Variants in ANKRD1 observed in about 807,000 individuals in gnomAD.
The protein encoded by ANKRD1 is ankyrin repeat domain-containing protein 1.
Under a neutral mutation model 40.1 loss-of-function variants are expected in ANKRD1, and 32 were observed. That is an observed-to-expected ratio of 0.80 (90% CI 0.60 to 1.07). The LOEUF (loss-of-function observed/expected upper bound fraction) is 1.07, where lower values mean the gene tolerates loss of function less well. Among genes scored for constraint, ANKRD1 ranks in the 50% least tolerant of loss-of-function variants. The probability of loss-of-function intolerance (pLI) is 0.00; values close to 1 mark genes in which losing one functional copy is unlikely to be tolerated. For missense variants in ANKRD1, 359 were observed against 386.0 expected, an observed-to-expected ratio of 0.93 and a Z score of 0.59; for synonymous variants, 149 against 141.2, an observed-to-expected ratio of 1.06 and a Z score of -0.39.
rs1270106647 is a variant in ANKRD1, at chr10:90,912,185, C to G, written c.*681G>C. The G allele has an allele frequency of 6.9e-6, 1 of 145,716 alleles. No individual in the cohort carries two copies. Among genetic ancestry groups the G allele is most frequent in the African/African-American group, 2.5e-5 (1 of 39,886 alleles). 9.0% of individuals were successfully genotyped at this position (145,716 alleles called of 1,614,324 possible). ...ATTTACAGTTTGCATTTCCTTTCAT[C>G]TTTTTTGAGCAAATTCAATTCTGCA... On this transcript the variant is annotated 3_prime_UTR_variant, in exon 9 of 9. Transcript: ENST00000371697.
rs1286702070 is a variant in ANKRD1, at chr10:90,912,853, T to C, written c.*13A>G. 7.5e-6 allele frequency: 12 copies of C among 1,610,066 alleles called. No individual in the cohort carries two copies. Among genetic ancestry groups the C allele is most frequent in the Admixed American group, 1.7e-5 (1 of 59,984 alleles). ...CCAGTGAACATTTACTGATTAAGAG[T>C]CTGTCGTTTGCCTCAGAATGTAGCT... is the stretch of plus-strand genomic sequence containing the variant. On this transcript the variant is annotated 3_prime_UTR_variant, in exon 9 of 9. Transcript: ENST00000371697.
Position 90,918,707 on chromosome 10 carries a change from C to A in ANKRD1, c.453+158G>T, listed in dbSNP as rs112958344. 5.9e-5 allele frequency among the ~76,000 whole-genome samples: 9 copies of A among 151,946 alleles called. 2 individuals carry two copies. Among genetic ancestry groups the A allele is most frequent in the African/African-American group, 2.2e-4 (9 of 41,404 alleles). ...TCTAATATCTATTTATTTTTTGGAC[C>A]ACTGAACTCTCCTATTAGGCTCCTG... On this transcript the variant is annotated intron_variant, in intron 4 of 8. Coordinates refer to ENST00000371697, the MANE Select transcript of ANKRD1 (RefSeq NM_014391.3).
intron 6 of ANKRD1, 128 bp from the exon 7 acceptor site, chr10:90,916,008 C>T (rs1346277059): frequency 1.5e-6 from 1 of 671,386 alleles, no homozygotes; most frequent in Non-Finnish European, 2.4e-6. Context: ...CTCCAGATGA[C>T]TTTAATGGAG....
At chr10:90,914,015 G>A (rs1847343677) in intron 8 of ANKRD1, among the ~76,000 whole-genome samples, 1 of 152,192 alleles carries the variant, frequency 6.6e-6, no homozygotes, top group Non-Finnish European at 1.5e-5. Flanking sequence ...AGGTCAGTCT[G>A]CAGTCAGATT....
At chr10:90,914,728 CCCCCA>C (rs1478611740) in intron 8 of ANKRD1, among the ~76,000 whole-genome samples, 11 of 124,090 alleles carry the variant, frequency 8.9e-5, no homozygotes, top group East Asian at 2.5e-4. Flanking sequence ...CCTCCCCCCC[CCCCCA>C]CTCTTTTTTG....
chr10:90,915,344 T>G (rs964646593), intron 8 of ANKRD1, among the ~76,000 whole-genome samples, 199 bp downstream of exon 8: 2 of 152,182 alleles, frequency 1.3e-5, no homozygotes, highest in Non-Finnish European at 2.9e-5. Flanking sequence ...CATAGCAGTA[T>G]CTATGACTTC....
At chr10:90,918,514 G>A (rs1031308813) in intron 4 of ANKRD1, among the ~76,000 whole-genome samples, 2 of 151,772 alleles carry the variant, frequency 1.3e-5, no homozygotes, top group African/African-American at 4.8e-5. Context: ...CTTATCTAGT[G>A]TTGACGTGCT....
intron 5 of ANKRD1, 40 bp from the exon 6 acceptor site, chr10:90,916,309 G>A: frequency 3.4e-6 from 5 of 1,475,912 alleles, no homozygotes; most frequent in Non-Finnish European, 4.7e-6. Context: ...GAAGGAGAAT[G>A]TGGTCTGGGG....
At chr10:90,915,753 G>C (rs1355542029) in intron 7 of ANKRD1, 29 bp downstream of exon 7, 1 of 1,613,150 alleles carries the variant, frequency 6.2e-7, no homozygotes, top group Non-Finnish European at 8.5e-7. Context: ...ATGAAGCTTT[G>C]GGAAACCCGA....
rs568377990 is a variant in ANKRD1 at position 90,913,344 on chromosome 10, C to G, written c.850-368G>C. Among the ~76,000 whole-genome samples, 27 of 152,276 alleles carry G rather than the reference C, an allele frequency of 1.8e-4. No individual in the cohort carries two copies. The Middle Eastern group carries it at 0.014, about 77-fold the overall frequency. ...GGAGGTGGGAGCATGCCTCTTGGAC[C>G]AAGAATCAGTGCCTATCCATTTGAA... On this transcript the variant is annotated intron_variant, in intron 8 of 8. Coordinates refer to ENST00000371697, the MANE Select transcript of ANKRD1 (RefSeq NM_014391.3).
intron 1 of ANKRD1, 132 bp from the exon 2 acceptor site, chr10:90,920,480 T>G (rs1256152956): frequency 4.3e-6 from 4 of 934,030 alleles, no homozygotes; most frequent in Admixed American, 3.5e-5. Context: ...CACTCTCAGA[T>G]CTCAAGCTGC....
Position 90,921,080 on chromosome 10 carries a change from T to G in ANKRD1, c.-53A>C. ...TCTGTCGTGGAAGGAATCCCTGGAG[T>G]TGGCCCTGCTGGGCCCCTCCACACC... On this transcript the variant is annotated 5_prime_UTR_variant, in exon 1 of 9. Transcript: ENST00000371697. 1.3e-6 allele frequency: 2 copies of G among 1,589,754 alleles called. No homozygotes were observed. The highest frequency in any genetic ancestry group is 1.7e-6 in the Non-Finnish European group (2 of 1,158,226).
rs1554827904 is a variant in ANKRD1 at position 90,918,991 on chromosome 10, A to AT, written c.346-20_346-19insA. 1.1e-5 allele frequency: 3 copies of AT among 266,480 alleles called. No homozygotes were observed. The highest frequency in any genetic ancestry group is 1.4e-5 in the Non-Finnish European group (3 of 208,056). 16.5% of individuals were successfully genotyped at this position (266,480 alleles called of 1,614,324 possible). On this transcript the variant is annotated intron_variant, in intron 3 of 8. Coordinates refer to ENST00000371697, the MANE Select transcript of ANKRD1 (RefSeq NM_014391.3). ...GTTCCGTCTAAAGCCAAAATAAATA[A>AT]ATATATATATATATATATATATATA... is the stretch of plus-strand genomic sequence containing the variant.
Position 90,915,851 on chromosome 10 carries a change from C to T in ANKRD1, c.681G>A (p.Val227=). 4.3e-6 allele frequency: 7 copies of T among 1,613,322 alleles called. No individual in the cohort carries two copies. The highest frequency in any genetic ancestry group is 5.9e-6 in the Non-Finnish European group (7 of 1,179,922). Residue 227 remains valine, a synonymous_variant, in exon 7 of 9, where the codon GTG becomes GTA. Transcript: ENST00000371697. ...KLLSTALHVA[V]RTGHYECAEH... is the part of the protein sequence containing the mutation. ...CCGCGCACTCATAGTGGCCAGTCCT[C>T]ACCGCCACATGCAGCGCTGTGCTGA...
intron 7 of ANKRD1, 67 bp from the exon 8 acceptor site, chr10:90,915,708 C>T: frequency 1.9e-6 from 3 of 1,610,606 alleles, no homozygotes; most frequent in Non-Finnish European, 2.5e-6. Context: ...GCAAGGGCAC[C>T]CAGGCTTGGG....
intron 5 of ANKRD1, 71 bp from the exon 6 acceptor site, chr10:90,916,340 G>T: frequency 1.7e-6 from 2 of 1,145,324 alleles, no homozygotes; most frequent in Non-Finnish European, 1.3e-6. Context: ...TGGTTGCTAG[G>T]GCATCCGTGA....
At position 90,917,740 on chromosome 10, in the gene ANKRD1, G is replaced by C; in HGVS notation, c.544C>G (p.Arg182Gly). The change falls in exon 5 of 9, where the codon CGT (arginine) becomes GGT (glycine). Residue 182 changes from arginine (R) to glycine (G), a missense_variant. Arg to Gly is a moderately radical substitution (Grantham distance 125, BLOSUM62 -2). Transcript: ENST00000371697. The part of the protein sequence containing the change: ...LMEAGAQIEF[R>G]DMLESTAIHW... ...CAAAGAAATATATTTACCATATCAC[G>C]GAATTCGATCTGGGCTCCAGCTTCC... 1.2e-6 allele frequency: 2 copies of C among 1,613,514 alleles called. No individual in the cohort carries two copies. Among genetic ancestry groups the C allele is most frequent in the South Asian group, 2.2e-5 (2 of 91,066 alleles).
At chr10:90,915,711 G>T in intron 7 of ANKRD1, 70 bp from the exon 8 acceptor site, 1 of 1,610,244 alleles carries the variant, frequency 6.2e-7, no homozygotes, top group Non-Finnish European at 8.5e-7. Context: ...AGGGCACCCA[G>T]GCTTGGGGGA....
rs750346292 is a variant in ANKRD1 at position 90,912,918 on chromosome 10, A to C, written c.908T>G (p.Phe303Cys). 15 of 1,613,948 alleles carry C rather than the reference A, an allele frequency of 9.3e-6. No homozygotes were observed. The highest frequency in any genetic ancestry group is 1.3e-5 in the Non-Finnish European group (15 of 1,179,954). ...GTAGGAGTTCTCTCTGAGGCTGTCG[A>C]ATATTGCTTTGGTTCCATTCTGCCA... ...LHWQNGTKAI[F>C]DSLRENSYKT... The change falls in exon 9 of 9, where the codon TTC (phenylalanine) becomes TGC (cysteine). Residue 303 changes from phenylalanine to cysteine, a missense_variant. Phe to Cys is a radical substitution (Grantham distance 205). Coordinates refer to ENST00000371697, the MANE Select transcript of ANKRD1 (RefSeq NM_014391.3).
Sources: allele counts gnomAD v4.1 joint callset (sites outside exome capture counted in the v4.1 genomes callset), GRCh38; gene constraint gnomAD v4.1.1; transcripts MANE v1.5; gene names NCBI Gene and HGNC (gene_info 2026-07-23, HGNC 2026-07-21).